STPG2: variants seen among roughly 807,000 people sequenced by gnomAD.
The protein encoded by STPG2 is sperm tail PG-rich repeat containing 2.
Under a neutral mutation model 54.2 loss-of-function variants are expected in STPG2, and 56 were observed. That is an observed-to-expected ratio of 1.03 (90% CI 0.83 to 1.29). STPG2 has a LOEUF of 1.29. Among genes scored for constraint, STPG2 ranks in the 50% most tolerant of loss-of-function variants. STPG2 has a pLI of 0.00. For missense variants in STPG2, 596 were observed against 544.9 expected (o/e 1.09, Z -0.93); for synonymous variants, 200 against 181.8 (o/e 1.10, Z -0.81).
intron 5 of STPG2, among the ~76,000 whole-genome samples, chr4:98,024,439 A>G (rs1325436623): frequency 1.3e-5 from 2 of 152,172 alleles, no homozygotes; most frequent in African/African-American, 4.8e-5. Context: ...GCTGATCTCA[A>G]TGAAAGTTTT....
intron 8 of STPG2, among the ~76,000 whole-genome samples, chr4:97,841,196 T>C (rs1728791847): frequency 6.6e-6 from 1 of 151,768 alleles, no homozygotes; most frequent in Non-Finnish European, 1.5e-5. Context: ...TTTCATGATA[T>C]AGATCAAATA....
rs72890807 is a variant in STPG2, at chr4:97,589,117, A to C, written c.1321-30000T>G. On this transcript the variant is annotated intron_variant, in intron 10 of 10. Coordinates refer to ENST00000295268, the MANE Select transcript of STPG2 (RefSeq NM_174952.3). ...GGTAGAAGATAGATATCTATGTGTT[A>C]ATATGGAAAAATCTCCAAGAGGAAA... 2.9e-3 allele frequency among the ~76,000 whole-genome samples: 448 copies of C among 152,226 alleles called. 2 individuals are homozygous for C. The highest frequency in any genetic ancestry group is 0.01 in the African/African-American group (433 of 41,554).
At chr4:97,702,245 G>A (rs1723801021) in intron 10 of STPG2, among the ~76,000 whole-genome samples, 2 of 152,060 alleles carry the variant, frequency 1.3e-5, no homozygotes, top group South Asian at 4.1e-4. Context: ...TTAACTCCCT[G>A]AGCTGCAACA....
At chr4:97,739,932 A>C (rs530480559) in intron 9 of STPG2, among the ~76,000 whole-genome samples, 4 of 152,192 alleles carry the variant, frequency 2.6e-5, no homozygotes, top group Non-Finnish European at 5.9e-5. Context: ...TTAGACCAAT[A>C]TCCTTGATGA....
intron 5 of STPG2, among the ~76,000 whole-genome samples, chr4:98,098,177 A>C (rs1014435096): frequency 6.6e-6 from 1 of 152,186 alleles, no homozygotes; most frequent in African/African-American, 2.4e-5. Flanking sequence ...AGCTATCCTA[A>C]GCAAAAAGAG....
chr4:97,790,901 T>C (rs988680476), intron 9 of STPG2, among the ~76,000 whole-genome samples: 1 of 152,120 alleles, frequency 6.6e-6, no homozygotes, highest in African/African-American at 2.4e-5. Context: ...GATATGAACA[T>C]GGAGGTTGAG....
chr4:97,567,224 A>ACC (rs1053757933), intron 10 of STPG2, among the ~76,000 whole-genome samples: 5 of 150,508 alleles, frequency 3.3e-5, no homozygotes, highest in African/African-American at 7.3e-5. Flanking sequence ...ACACACACAC[A>ACC]CCCTTTAAAT....
chr4:98,035,742 T>G (rs200023817), intron 5 of STPG2, among the ~76,000 whole-genome samples: 2 of 142,118 alleles, frequency 1.4e-5, no homozygotes, highest in South Asian at 4.5e-4. Flanking sequence ...GTGGCACATA[T>G]ACACCATGGA....
intron 10 of STPG2, among the ~76,000 whole-genome samples, chr4:97,689,730 GT>G (rs1265635387): frequency 2.0e-5 from 3 of 152,030 alleles, no homozygotes; most frequent in Admixed American, 2.0e-4. Context: ...ACCATATTTA[GT>G]TTTTAATCAT....
chr4:98,133,059 C>A (rs537379985), intron 2 of STPG2, among the ~76,000 whole-genome samples: 1 of 151,184 alleles, frequency 6.6e-6, no homozygotes, highest in East Asian at 1.9e-4. Context: ...TGGTCATTTC[C>A]AGAAAAAATT....
At chr4:98,112,361 G>C (rs1479788577) in intron 3 of STPG2, among the ~76,000 whole-genome samples, 1 of 151,898 alleles carries the variant, frequency 6.6e-6, no homozygotes, top group East Asian at 1.9e-4. Flanking sequence ...AGAAACAATG[G>C]GCTATACCAT....
At position 97,876,585 on chromosome 4, in the gene STPG2, G is replaced by A. The variant is rs553100461; in HGVS notation, c.1045-35653C>T. 2.2e-4 allele frequency among the ~76,000 whole-genome samples: 33 copies of A among 152,040 alleles called. No homozygotes were observed. The South Asian group carries it at 2.5e-3, about 11-fold the overall frequency. On this transcript the variant is annotated intron_variant, in intron 8 of 10. Coordinates refer to ENST00000295268, the MANE Select transcript of STPG2 (RefSeq NM_174952.3). Reference sequence around the variant, plus strand: ...TTTGTTTTCTAGAGTTTAGGGAACTGCTTTATTTTCTTTGAATATCTTTTC... The same window carrying A: ...TTTGTTTTCTAGAGTTTAGGGAACTACTTTATTTTCTTTGAATATCTTTTC...
downstream of STPG2, chr4:97,558,726 A>T (rs1732142989): frequency 4.3e-6 from 1 of 230,946 alleles, no homozygotes; most frequent in Non-Finnish European, 8.3e-6. Flanking sequence ...CTTGCAAAAG[A>T]CTGAGCCTGA....
intron 5 of STPG2, among the ~76,000 whole-genome samples, chr4:98,099,308 T>C (rs1738954645): frequency 6.6e-6 from 1 of 152,200 alleles, no homozygotes; most frequent in South Asian, 2.1e-4. Context: ...TTCTGTCATT[T>C]GCAACAACAT....
chr4:97,651,233 T>G (rs575566367), intron 10 of STPG2, among the ~76,000 whole-genome samples: 2 of 151,970 alleles, frequency 1.3e-5, no homozygotes, highest in Non-Finnish European at 2.9e-5. Flanking sequence ...CAGTATAATT[T>G]CCCAATACAA....
intron 4 of STPG2, among the ~76,000 whole-genome samples, chr4:97,536,392 T>C (rs892396641): frequency 6.6e-6 from 1 of 152,274 alleles, no homozygotes; most frequent in African/African-American, 2.4e-5. Flanking sequence ...AAAGATCTGA[T>C]GGATTAAAAG....
At chr4:97,538,892 A>T (rs1731613804) in intron 4 of STPG2, among the ~76,000 whole-genome samples, 1 of 152,218 alleles carries the variant, frequency 6.6e-6, no homozygotes, top group African/African-American at 2.4e-5. Flanking sequence ...AATATTCAAC[A>T]TTCTTAAAGA....
At chr4:98,082,928 T>C (rs1047428969) in intron 5 of STPG2, among the ~76,000 whole-genome samples, 1 of 152,152 alleles carries the variant, frequency 6.6e-6, no homozygotes, top group Non-Finnish European at 1.5e-5. Context: ...CTACTCCATG[T>C]GTATTGCCAC....
intron 3 of STPG2, among the ~76,000 whole-genome samples, chr4:98,111,782 G>A (rs1203119490): frequency 6.6e-6 from 1 of 152,004 alleles, no homozygotes; most frequent in African/African-American, 2.4e-5. Flanking sequence ...CAATGTCGTG[G>A]GCACCTTTCA....
Sources: allele counts gnomAD v4.1 joint callset (sites outside exome capture counted in the v4.1 genomes callset), GRCh38; gene constraint gnomAD v4.1.1; transcripts MANE v1.5; gene names NCBI Gene and HGNC (gene_info 2026-07-23, HGNC 2026-07-21).